The following DENND2B variants were observed in gnomAD, a reference collection of about 807,000 sequenced individuals.
DENND2B encodes the protein DENN domain-containing protein 2B.
Under a neutral mutation model 116.0 loss-of-function variants are expected in DENND2B, and 32 were observed. That is an observed-to-expected ratio of 0.28 (90% CI 0.21 to 0.37). DENND2B has a LOEUF of 0.37. DENND2B is among the 10% of genes least tolerant of loss of function. DENND2B has a pLI of 1.00. For synonymous variants in DENND2B, 588 were observed against 583.9 expected (o/e 1.01, Z -0.10); for missense variants, 1,276 against 1,477.7 (o/e 0.86, Z 2.24).
intron 1 of DENND2B, among the ~76,000 whole-genome samples, chr11:8,907,244 T>A (rs11042118): frequency 0.19 from 29,645 of 152,116 alleles, 3,011 homozygotes; most frequent in East Asian, 0.31. Context: ...ATACTGACAG[T>A]CTATTTCCCT....
chr11:8,881,542 G>A (rs191295774), intron 1 of DENND2B, among the ~76,000 whole-genome samples: 265 of 151,880 alleles, frequency 1.7e-3, no homozygotes, highest in African/African-American at 6.2e-3. Flanking sequence ...TGTTCTTTTT[G>A]TTTGTTTGTT....
At chr11:8,862,263 G>C (rs1402707001) in intron 2 of DENND2B, among the ~76,000 whole-genome samples, 2 of 150,560 alleles carry the variant, frequency 1.3e-5, no homozygotes, top group Non-Finnish European at 3.0e-5. Context: ...CAAGTGATAA[G>C]GGTTTCCAAC....
At chr11:8,841,616 C>T (rs753642162) in intron 3 of DENND2B, among the ~76,000 whole-genome samples, 3 of 152,198 alleles carry the variant, frequency 2.0e-5, no homozygotes, top group Non-Finnish European at 4.4e-5. Flanking sequence ...TACCACTGCA[C>T]TCCAGCCTAG....
chr11:8,887,600 C>T (rs1042073941), intron 1 of DENND2B, among the ~76,000 whole-genome samples: 1 of 152,166 alleles, frequency 6.6e-6, no homozygotes, highest in African/African-American at 2.4e-5. Flanking sequence ...TTTTCTCTCT[C>T]CACCAGCCAC....
intron 2 of DENND2B, among the ~76,000 whole-genome samples, chr11:8,870,210 T>C (rs962001669): frequency 2.0e-5 from 3 of 152,234 alleles, no homozygotes; most frequent in South Asian, 4.1e-4. Context: ...GAAGAAGTTA[T>C]TTTATTCATA....
intron 1 of DENND2B, among the ~76,000 whole-genome samples, chr11:8,907,756 C>T (rs1274091450): frequency 6.6e-6 from 1 of 152,098 alleles, no homozygotes; most frequent in Admixed American, 6.6e-5. Flanking sequence ...AGGGCAGTGG[C>T]ACGATCATAG....
At chr11:8,698,353 T>C (rs1324771455) in intron 16 of DENND2B, among the ~76,000 whole-genome samples, 1 of 152,114 alleles carries the variant, frequency 6.6e-6, no homozygotes, top group Non-Finnish European at 1.5e-5. Context: ...CTCTATACTC[T>C]GTTTCTGTGT....
intron 1 of DENND2B, among the ~76,000 whole-genome samples, chr11:8,761,247 T>C (rs903784653): frequency 6.6e-6 from 1 of 152,242 alleles, no homozygotes; most frequent in African/African-American, 2.4e-5. Flanking sequence ...TAGACATGGC[T>C]GTTTCTGCCA....
chr11:8,745,522 G>A lies in DENND2B; in HGVS notation c.80+5099C>T, dbSNP rs1279795683. Among the ~76,000 whole-genome samples the A allele has an allele frequency of 2.0e-5, 3 of 152,198 alleles. No homozygotes were observed. The East Asian group carries it at 5.8e-4, about 29-fold the overall frequency. ...GGCAGACTGTATTTTCCAAAGACAG[G>A]AACCACAACCTATCCCATTCCACAT... On this transcript the variant is annotated intron_variant, in intron 2 of 19. Transcript: ENST00000313726.
At chr11:8,794,392 G>C (rs540120102) in intron 1 of DENND2B, among the ~76,000 whole-genome samples, 1 of 152,314 alleles carries the variant, frequency 6.6e-6, no homozygotes, top group South Asian at 2.1e-4. Flanking sequence ...ACCCACCCAC[G>C]TGGTCCTTCC....
At chr11:8,754,029 GCA>G (rs60488372) in intron 1 of DENND2B, among the ~76,000 whole-genome samples, 86 of 138,822 alleles carry the variant, frequency 6.2e-4, no homozygotes, top group East Asian at 1.9e-3. Context: ...CCAAAAGCGC[GCA>G]CACACACACA....
Position 8,712,085 on chromosome 11 carries a change from AGAG to A in DENND2B, c.2172+463_2172+465del. ...AGAGGGGTTGAGTGTGAGAGGAAGA[AGAG>A]GGAGGCCAGGCTGGCTGGCGACAAG... On this transcript the variant is annotated intron_variant, in intron 9 of 19. Transcript: ENST00000313726. The surrounding 1 kb of genome is among the most constrained non-coding windows in gnomAD (Gnocchi z 4.4). 2 of 428,500 alleles carry A rather than the reference AGAG, an allele frequency of 4.7e-6. No homozygotes were observed. The highest frequency in any genetic ancestry group is 9.5e-6 in the Non-Finnish European group (2 of 210,024). 26.5% of individuals were successfully genotyped at this position (428,500 alleles called of 1,614,324 possible).
intron 4 of DENND2B, among the ~76,000 whole-genome samples, chr11:8,835,387 G>T (rs967072846): frequency 6.6e-6 from 1 of 152,180 alleles, no homozygotes; most frequent in Non-Finnish European, 1.5e-5. Context: ...ACTTCAAACC[G>T]TCTACTTTCA....
chr11:8,727,900 GTTT>G (rs35687800), intron 3 of DENND2B, among the ~76,000 whole-genome samples: 3 of 121,646 alleles, frequency 2.5e-5, no homozygotes, highest in Non-Finnish European at 5.1e-5. Context: ...TTCTCCCCAG[GTTT>G]TTTTTTTTTT....
intron 4 of DENND2B, among the ~76,000 whole-genome samples, chr11:8,816,402 T>A (rs1007934614): frequency 2.0e-5 from 3 of 152,040 alleles, no homozygotes; most frequent in Non-Finnish European, 4.4e-5. Flanking sequence ...TTTTAAAAAA[T>A]TGGCTGGGCA....
chr11:8,811,880 T>C (rs2061391434), upstream of DENND2B, among the ~76,000 whole-genome samples: 1 of 152,144 alleles, frequency 6.6e-6, no homozygotes, highest in Admixed American at 6.5e-5. Context: ...ACTACAGGCA[T>C]GCACCACCAC....
intron 4 of DENND2B, chr11:8,718,097 C>CCCCCCCCAA: frequency 3.8e-6 from 1 of 264,418 alleles, no homozygotes; most frequent in East Asian, 8.5e-5. Flanking sequence ...AGCAGACCCA[C>CCCCCCCCAA]CCCCCCACCC....
At chr11:8,764,654 C>T (rs1295733675) in intron 1 of DENND2B, among the ~76,000 whole-genome samples, 1 of 152,118 alleles carries the variant, frequency 6.6e-6, no homozygotes, top group African/African-American at 2.4e-5. Flanking sequence ...ACCCCTGCAG[C>T]CCCACTCTAT....
In DENND2B at chr11:8,707,798, G is replaced by C. The variant is rs372399102; in HGVS notation, c.2409C>G (p.Gly803=). ...PEVYCVISRL[G]CFGLFSKVLD... is the part of the protein sequence containing the mutation. ...TTACCTTGGAAAACAAGCCGAAGCA[G>C]CCAAGGCGGCTGATGACACAGTACA... Residue 803 remains glycine (G), a synonymous_variant, in exon 12 of 20, where the codon GGC becomes GGG. Transcript: ENST00000313726. The surrounding 1 kb of genome is among the most constrained non-coding windows in gnomAD (Gnocchi z 4.8). The C allele has an allele frequency of 6.2e-7, 1 of 1,610,962 alleles. No homozygotes were observed. Among genetic ancestry groups the C allele is most frequent in the Non-Finnish European group, 8.5e-7 (1 of 1,178,796 alleles).
Sources: gnomAD v4.1 joint callset for allele counts (sites outside exome capture counted in the v4.1 genomes callset) on GRCh38, gnomAD v4.1.1 for gene constraint, Gnocchi (gnomAD v3.1) non-coding constraint, MANE v1.5 for transcripts, NCBI Gene and HGNC (gene_info 2026-07-23, HGNC 2026-07-21) for gene names.